Variants in CFAP44 observed in about 807,000 individuals in gnomAD.
CFAP44 encodes the protein cilia and flagella associated protein 44.
In CFAP44, 134 loss-of-function variants were observed where a neutral mutation model predicts 216.2. The ratio of observed to expected loss-of-function variants is 0.62; its 90% CI spans 0.54 to 0.72. The LOEUF (loss-of-function observed/expected upper bound fraction) is 0.72, where lower values mean the gene tolerates loss of function less well. CFAP44 is among the 30% of genes least tolerant of loss of function. The probability of loss-of-function intolerance (pLI) is 0.00; values close to 1 mark genes in which losing one functional copy is unlikely to be tolerated. For synonymous variants in CFAP44, 700 were observed against 727.6 expected (o/e 0.96, Z 0.61); for missense variants, 2,035 against 2,182.1 (o/e 0.93, Z 1.34).
chr3:113,435,884 TGTTTTCC>T (rs891086402), intron 1 of CFAP44, among the ~76,000 whole-genome samples: 50 of 151,644 alleles, frequency 3.3e-4, no homozygotes, highest in African/African-American at 1.2e-3. Flanking sequence ...TGTGTGTGTG[TGTTTTCC>T]TTTCCTTTCT....
chr3:113,437,484 G>A (rs890081860), intron 1 of CFAP44, among the ~76,000 whole-genome samples: 1 of 152,168 alleles, frequency 6.6e-6, no homozygotes, highest in African/African-American at 2.4e-5. Context: ...TTTATTCTGT[G>A]CTATCTTAAA....
intron 28 of CFAP44, among the ~76,000 whole-genome samples, chr3:113,316,558 A>G (rs370316396): frequency 2.6e-5 from 4 of 152,300 alleles, no homozygotes; most frequent in South Asian, 4.1e-4. Flanking sequence ...CTGAAAAAAA[A>G]AGACACAAGT....
At chr3:113,378,430 A>C (rs1430592499) in intron 17 of CFAP44, among the ~76,000 whole-genome samples, 1 of 152,100 alleles carries the variant, frequency 6.6e-6, no homozygotes, top group Non-Finnish European at 1.5e-5. Context: ...CCTCCTTAGT[A>C]ATACAAAAGT....
intron 32 of CFAP44, among the ~76,000 whole-genome samples, chr3:113,302,711 A>G (rs1212238748): frequency 1.3e-5 from 2 of 149,274 alleles, no homozygotes; most frequent in African/African-American, 4.9e-5. Context: ...CAGTGAGCCA[A>G]GATCACGCCA....
At chr3:113,333,333 G>T in intron 25 of CFAP44, 73 bp downstream of exon 25, 1 of 1,274,078 alleles carries the variant, frequency 7.8e-7, no homozygotes, top group Non-Finnish European at 1.1e-6. Context: ...ATAGGGAAAT[G>T]AGTGGTTTTA....
chr3:113,423,458 C>T (rs1319937102), intron 4 of CFAP44, among the ~76,000 whole-genome samples: 1 of 152,134 alleles, frequency 6.6e-6, no homozygotes, highest in South Asian at 2.1e-4. Context: ...TCCTTTTAAT[C>T]CCAGAAGACA....
intron 30 of CFAP44, among the ~76,000 whole-genome samples, 157 bp from the exon 31 acceptor site, chr3:113,305,309 T>C (rs1949974831): frequency 6.6e-6 from 1 of 152,246 alleles, no homozygotes. Flanking sequence ...AACTCAGGAA[T>C]GCATATTATT....
intron 18 of CFAP44, among the ~76,000 whole-genome samples, chr3:113,368,260 A>G (rs1002709681): frequency 6.6e-6 from 1 of 152,202 alleles, no homozygotes; most frequent in African/African-American, 2.4e-5. Flanking sequence ...ATTCTCCTTG[A>G]AAAGAGCAAC....
chr3:113,331,255 G>A (rs912656897), intron 25 of CFAP44, among the ~76,000 whole-genome samples: 4 of 151,974 alleles, frequency 2.6e-5, no homozygotes, highest in African/African-American at 9.7e-5. Context: ...ATTTATCAAA[G>A]CCAAGCTGTG....
intron 24 of CFAP44, among the ~76,000 whole-genome samples, chr3:113,340,316 T>TA (rs1448680378): frequency 1.3e-5 from 2 of 152,024 alleles, no homozygotes; most frequent in African/African-American, 2.4e-5. Context: ...CAGAACATTA[T>TA]AAAAAAAGAG....
intron 15 of CFAP44, among the ~76,000 whole-genome samples, chr3:113,385,414 T>C (rs556798099): frequency 7.2e-5 from 11 of 152,296 alleles, no homozygotes; most frequent in South Asian, 6.2e-4. Context: ...AAAGATGTTA[T>C]AGGTGAATGA....
intron 4 of CFAP44, among the ~76,000 whole-genome samples, chr3:113,425,093 A>C (rs928132630): frequency 6.6e-6 from 1 of 152,140 alleles, no homozygotes. Flanking sequence ...TTTGTCAGAA[A>C]CTTGTCCAAA....
At chr3:113,432,266 T>G (rs1485796983) in intron 2 of CFAP44, 11 of 152,204 alleles carry the variant, frequency 7.2e-5, no homozygotes, top group Admixed American at 7.2e-4. Flanking sequence ...CTTAAGGAAC[T>G]TAGAGCTTTG....
At chr3:113,303,398 AAACT>A (rs1490662812) in intron 32 of CFAP44, among the ~76,000 whole-genome samples, 3 of 152,224 alleles carry the variant, frequency 2.0e-5, no homozygotes, top group Admixed American at 2.0e-4. Flanking sequence ...TAAAGTGAAT[AAACT>A]ATCTGTAGTT....
intron 6 of CFAP44, among the ~76,000 whole-genome samples, chr3:113,414,172 A>T (rs998104312): frequency 1.2e-4 from 18 of 151,742 alleles, no homozygotes; most frequent in Non-Finnish European, 1.5e-5. Context: ...TCTATTGTTG[A>T]TGTATAGGAA....
chr3:113,409,924 C>A (rs1934406497), intron 6 of CFAP44, among the ~76,000 whole-genome samples: 1 of 152,166 alleles, frequency 6.6e-6, no homozygotes, highest in Non-Finnish European at 1.5e-5. Context: ...TTTATAAATA[C>A]CATGGCCACA....
In CFAP44 at chr3:113,306,256, T is replaced by C; in HGVS notation, c.4703A>G (p.Glu1568Gly). 2 of 1,537,022 alleles carry C rather than the reference T, an allele frequency of 1.3e-6. No individual in the cohort carries two copies. Among genetic ancestry groups the C allele is most frequent in the African/African-American group, 1.4e-5 (1 of 73,146 alleles). The change falls in exon 30 of 35, where the codon GAA becomes GGA. Residue 1568 changes from glutamate to glycine, a missense_variant. Physicochemically the swap from Glu to Gly is moderately conservative, Grantham distance 98 (BLOSUM62 -2). Transcript: ENST00000393845. ...KRLDIEEALV[E>G]EKKIVDNLKK... ...GAGGTTATCAACAATTTTCTTTTCT[T>C]CAACTAAAGCCTCCTCAATGTCCAG...
intron 32 of CFAP44, among the ~76,000 whole-genome samples, chr3:113,302,015 TG>T (rs36064225): frequency 0.63 from 95,351 of 152,004 alleles, 33,228 homozygotes; most frequent in South Asian, 0.78. Flanking sequence ...ATATAAGTGA[TG>T]TCATGTGGTA....
In CFAP44 at chr3:113,399,902, T is replaced by A. The variant is rs761224451; in HGVS notation, c.1569+4A>T. On this transcript the variant is annotated splice_donor_region_variant and intron_variant, in intron 13 of 34. Transcript: ENST00000393845. ...CTGGTAGTTCATTATAACAACAAAC[T>A]TACCATTCGGGGTACCCAAACAAGG... 23 of 1,571,554 alleles carry A rather than the reference T, an allele frequency of 1.5e-5. No individual in the cohort carries two copies. The highest frequency in any genetic ancestry group is 2.0e-5 in the Non-Finnish European group (23 of 1,162,246).
Sources: allele counts gnomAD v4.1 joint callset (sites outside exome capture counted in the v4.1 genomes callset), GRCh38; gene constraint gnomAD v4.1.1; transcripts MANE v1.5; gene names NCBI Gene and HGNC (gene_info 2026-07-23, HGNC 2026-07-21).